EXOC4: variants seen among roughly 807,000 people sequenced by gnomAD.
The protein encoded by EXOC4 is exocyst complex component 4.
EXOC4 carries 71 observed loss-of-function variants against 107.2 expected under a neutral mutation model. The observed-to-expected ratio is 0.66, with a 90% CI of 0.55 to 0.81. The LOEUF (loss-of-function observed/expected upper bound fraction) is 0.81, where lower values mean the gene tolerates loss of function less well. Among genes scored for constraint, EXOC4 ranks in the 30% least tolerant of loss-of-function variants. The pLI, the probability that EXOC4 is intolerant of heterozygous loss-of-function variation, is 0.00. For synonymous variants in EXOC4, 456 were observed against 441.2 expected (o/e 1.03, Z -0.42); for missense variants, 1,108 against 1,189.6 (o/e 0.93, Z 1.01).
Position 134,063,582 on chromosome 7 carries a change from G to A in EXOC4, c.2688-709G>A, listed in dbSNP as rs1397635883. Among the ~76,000 whole-genome samples, 4 of 152,108 alleles carry A rather than the reference G, an allele frequency of 2.6e-5. 1 individual carries two copies. Among genetic ancestry groups the A allele is most frequent in the African/African-American group, 4.8e-5 (2 of 41,402 alleles). On this transcript the variant is annotated intron_variant, in intron 17 of 17. Transcript: ENST00000253861. ...GTGAGGGGTAAGTGGCACAGTGCTC[G>A]GGAATGAACTTGGTCAACAGCACTG... is the stretch of plus-strand genomic sequence containing the variant.
chr7:133,800,902 A>G (rs1202155769), intron 10 of EXOC4, among the ~76,000 whole-genome samples: 1 of 152,194 alleles, frequency 6.6e-6, no homozygotes, highest in African/African-American at 2.4e-5. Flanking sequence ...CCAATGTTTT[A>G]ACTTACATAA....
At chr7:133,569,627 A>C (rs1347880403) in intron 9 of EXOC4, among the ~76,000 whole-genome samples, 1 of 152,184 alleles carries the variant, frequency 6.6e-6, no homozygotes, top group African/African-American at 2.4e-5. Context: ...TTATATTTCA[A>C]ATGTATATAC....
intron 10 of EXOC4, among the ~76,000 whole-genome samples, chr7:133,744,372 G>A (rs571786157): frequency 1.3e-5 from 2 of 152,186 alleles, no homozygotes; most frequent in South Asian, 4.2e-4. Context: ...ATAGAGCCAG[G>A]ATTTGAATCC....
chr7:133,586,796 C>G (rs1801415490), intron 9 of EXOC4, among the ~76,000 whole-genome samples: 1 of 152,092 alleles, frequency 6.6e-6, no homozygotes, highest in Admixed American at 6.6e-5. Flanking sequence ...TGTGCCCTCA[C>G]CTCTGTTATG....
chr7:133,887,054 AC>A (rs1376461201), intron 11 of EXOC4, among the ~76,000 whole-genome samples: 1 of 152,178 alleles, frequency 6.6e-6, no homozygotes, highest in Non-Finnish European at 1.5e-5. Flanking sequence ...ACTGAGCACA[AC>A]CATTAGAATT....
At chr7:133,826,206 G>C (rs1297749596) in intron 11 of EXOC4, among the ~76,000 whole-genome samples, 2 of 152,136 alleles carry the variant, frequency 1.3e-5, no homozygotes, top group Non-Finnish European at 2.9e-5. Context: ...ATTGCTAATA[G>C]AGACTTTTGG....
chr7:134,099,802 G>A, the EXOC4 span, among the ~76,000 whole-genome samples: 1 of 152,134 alleles, frequency 6.6e-6, no homozygotes, highest in Non-Finnish European at 1.5e-5. Context: ...CACCTCCTGG[G>A]TTCAAGTGCT....
chr7:133,796,130 A>G (rs1321678985), intron 10 of EXOC4, among the ~76,000 whole-genome samples: 2 of 152,218 alleles, frequency 1.3e-5, no homozygotes, highest in East Asian at 3.8e-4. Context: ...TCAAGCCTTA[A>G]AAGTTTTCAG....
intron 11 of EXOC4, among the ~76,000 whole-genome samples, chr7:133,825,954 G>A (rs927895496): frequency 2.6e-5 from 4 of 152,020 alleles, no homozygotes; most frequent in African/African-American, 9.7e-5. Context: ...AGTATTTATC[G>A]ATACCTAAAG....
chr7:133,664,536 G>A (rs1191541120), intron 10 of EXOC4, among the ~76,000 whole-genome samples: 2 of 152,092 alleles, frequency 1.3e-5, no homozygotes, highest in African/African-American at 4.8e-5. Flanking sequence ...TTATGTCTGT[G>A]AACAAGCACT....
chr7:134,058,809 A>G (rs750958978), intron 17 of EXOC4, among the ~76,000 whole-genome samples: 4 of 152,192 alleles, frequency 2.6e-5, no homozygotes, highest in Non-Finnish European at 5.9e-5. Context: ...GTGGTTTTAG[A>G]GTAAATACAG....
chr7:133,971,920 T>A (rs1246361255), intron 14 of EXOC4, among the ~76,000 whole-genome samples: 1 of 152,202 alleles, frequency 6.6e-6, no homozygotes, highest in Admixed American at 6.5e-5. Flanking sequence ...CAGAGCTACA[T>A]GGGGCATCCC....
intron 14 of EXOC4, among the ~76,000 whole-genome samples, chr7:133,951,803 T>C (rs1179295854): frequency 1.3e-5 from 2 of 152,326 alleles, no homozygotes; most frequent in African/African-American, 4.8e-5. Flanking sequence ...AACCTCCAGA[T>C]CTCATTAAAT....
At chr7:133,362,635 T>C (rs1034281256) in intron 6 of EXOC4, among the ~76,000 whole-genome samples, 4 of 152,234 alleles carry the variant, frequency 2.6e-5, no homozygotes, top group African/African-American at 9.6e-5. Context: ...CATACTGCTG[T>C]AATAGAACTT....
chr7:133,929,234 G>A (rs1459501299), intron 13 of EXOC4, among the ~76,000 whole-genome samples: 4 of 152,062 alleles, frequency 2.6e-5, no homozygotes, highest in Admixed American at 6.6e-5. Context: ...CCCGGTTACA[G>A]TAGTACCTTT....
intron 11 of EXOC4, among the ~76,000 whole-genome samples, chr7:133,885,619 C>G (rs1234204026): frequency 6.6e-6 from 1 of 152,096 alleles, no homozygotes; most frequent in Non-Finnish European, 1.5e-5. Flanking sequence ...GCCAAAATGC[C>G]AGGGTCCTCT....
chr7:133,670,091 ACT>A (rs1279932558), intron 10 of EXOC4, among the ~76,000 whole-genome samples: 1 of 152,184 alleles, frequency 6.6e-6, no homozygotes, highest in Non-Finnish European at 1.5e-5. Flanking sequence ...ATTGCAAATA[ACT>A]GCTGTGGCGA....
chr7:133,963,186 G>T (rs140962873), intron 14 of EXOC4, among the ~76,000 whole-genome samples: 15 of 152,364 alleles, frequency 9.8e-5, no homozygotes, highest in African/African-American at 3.6e-4. Context: ...CACTTCCCTA[G>T]ATCAGGTATC....
At chr7:133,743,961 AG>A in intron 10 of EXOC4, among the ~76,000 whole-genome samples, 1 of 152,298 alleles carries the variant, frequency 6.6e-6, no homozygotes, top group South Asian at 2.1e-4. Flanking sequence ...GAGGAAGGAT[AG>A]GCTACTGAGA....
Sources: gnomAD v4.1 joint callset for allele counts (sites outside exome capture counted in the v4.1 genomes callset) on GRCh38, gnomAD v4.1.1 for gene constraint, MANE v1.5 for transcripts, NCBI Gene and HGNC (gene_info 2026-07-23, HGNC 2026-07-21) for gene names.